IPCEF1: variants seen among roughly 807,000 people sequenced by gnomAD.
IPCEF1 encodes interaction protein for cytohesin exchange factors 1.
IPCEF1 carries 31 observed loss-of-function variants against 50.9 expected under a neutral mutation model. That is an observed-to-expected ratio of 0.61 (90% CI 0.46 to 0.82). The LOEUF (loss-of-function observed/expected upper bound fraction) is 0.82, where lower values mean the gene tolerates loss of function less well. Ranked by LOEUF, IPCEF1 falls within the 40% of genes least tolerant of loss-of-function variation. IPCEF1 has a pLI of 0.00. For missense variants in IPCEF1, 458 were observed against 514.0 expected (o/e 0.89, Z 1.05); for synonymous variants, 181 against 192.0 (o/e 0.94, Z 0.47).
intron 5 of IPCEF1, among the ~76,000 whole-genome samples, chr6:154,233,385 C>A (rs1257651065): frequency 6.6e-6 from 1 of 152,086 alleles, no homozygotes; most frequent in East Asian, 1.9e-4. Context: ...AGTAAACTTA[C>A]CATATTCTTC....
At chr6:154,222,159 T>C (rs1778916098) in intron 6 of IPCEF1, among the ~76,000 whole-genome samples, 1 of 152,184 alleles carries the variant, frequency 6.6e-6, no homozygotes, top group Non-Finnish European at 1.5e-5. Flanking sequence ...AAATATGAAA[T>C]AGATTTTAAT....
intron 10 of IPCEF1, among the ~76,000 whole-genome samples, chr6:154,175,888 A>C (rs2128561300): frequency 6.6e-6 from 1 of 152,344 alleles, no homozygotes; most frequent in African/African-American, 2.4e-5. Context: ...ATTTTAGGCC[A>C]ATATCCCTGA....
At chr6:154,330,491 AT>A (rs974878682) in intron 1 of IPCEF1, among the ~76,000 whole-genome samples, 2 of 151,606 alleles carry the variant, frequency 1.3e-5, no homozygotes, top group East Asian at 3.9e-4. Flanking sequence ...CATCCAGCTA[AT>A]TTTTTTTATG....
chr6:154,267,618 T>C (rs1056610648), intron 2 of IPCEF1, among the ~76,000 whole-genome samples: 6 of 152,214 alleles, frequency 3.9e-5, no homozygotes, highest in African/African-American at 1.2e-4. Flanking sequence ...AGGAGCTTTA[T>C]TGAGTGTTAG....
intron 9 of IPCEF1, among the ~76,000 whole-genome samples, chr6:154,205,406 T>C (rs1918759): frequency 0.75 from 113,346 of 151,996 alleles, 42,923 homozygotes; most frequent in East Asian, 0.9. Context: ...ACCAGCCTGG[T>C]CAATATGGTG....
Position 154,256,268 on chromosome 6 carries a change from C to A in IPCEF1, c.37-8780G>T, listed in dbSNP as rs139756901. On this transcript the variant is annotated intron_variant, in intron 3 of 11. Transcript: ENST00000367220. ...AGGGAGAAAATCATCTCTCTCTGGTCTCTTCTTATAAGGGCACAAATCTCA... is the reference window on the plus strand; with the variant it reads ...AGGGAGAAAATCATCTCTCTCTGGTATCTTCTTATAAGGGCACAAATCTCA... 6.7e-3 allele frequency among the ~76,000 whole-genome samples: 1,021 copies of A among 152,228 alleles called. 8 individuals carry two copies. The highest frequency in any genetic ancestry group is 7.9e-3 in the Non-Finnish European group (538 of 68,014).
At chr6:154,170,204 G>A (rs1799762134) in intron 10 of IPCEF1, among the ~76,000 whole-genome samples, 1 of 152,116 alleles carries the variant, frequency 6.6e-6, no homozygotes, top group Non-Finnish European at 1.5e-5. Flanking sequence ...GAAAGCTTGG[G>A]AAAGAAATAC....
At chr6:154,167,270 G>A (rs1322864640) in intron 11 of IPCEF1, among the ~76,000 whole-genome samples, 6 of 152,204 alleles carry the variant, frequency 3.9e-5, no homozygotes, top group African/African-American at 1.4e-4. Context: ...TTGTTATGAA[G>A]AACCATTTCA....
At position 154,157,305 on chromosome 6, in the gene IPCEF1, C is replaced by A. The variant is rs2236256; in HGVS notation, c.*2523G>T. 79,130 of 152,130 alleles carry A rather than the reference C, an allele frequency of 0.52. 20,822 individuals carry two copies. The highest frequency in any genetic ancestry group is 0.61 in the Middle Eastern group (180 of 296). The allele number at this position is 152,130 out of a possible 1,614,324, so 9.4% of individuals were successfully genotyped here. On this transcript the variant is annotated 3_prime_UTR_variant, in exon 12 of 12. Transcript: ENST00000367220. ...GAAGCAGCCCTACTTTCTAGCACAA[C>A]CTGGTCAAAAGCAAAATAATTTACA...
At chr6:154,235,485 C>T (rs1303948177) in intron 5 of IPCEF1, among the ~76,000 whole-genome samples, 1 of 146,388 alleles carries the variant, frequency 6.8e-6, no homozygotes, top group East Asian at 2.0e-4. Context: ...CAGCCGAGAT[C>T]GCACCATTGC....
intron 10 of IPCEF1, among the ~76,000 whole-genome samples, chr6:154,186,617 T>C (rs554934362): frequency 3.9e-5 from 6 of 152,016 alleles, no homozygotes; most frequent in Non-Finnish European, 5.9e-5. Context: ...AGTGCAGTGG[T>C]GCGATCTTGG....
chr6:154,179,385 A>G (rs963047899), intron 10 of IPCEF1, among the ~76,000 whole-genome samples: 3 of 152,184 alleles, frequency 2.0e-5, no homozygotes, highest in Admixed American at 1.3e-4. Flanking sequence ...ATAGTAGAAA[A>G]CACTACATTA....
At chr6:154,204,323 A>C (rs1777311803) in intron 9 of IPCEF1, among the ~76,000 whole-genome samples, 1 of 152,242 alleles carries the variant, frequency 6.6e-6, no homozygotes, top group South Asian at 2.1e-4. Context: ...GAAGTGAGTC[A>C]GCATAGAAAT....
chr6:154,279,091 A>G (rs1003448851), intron 2 of IPCEF1, among the ~76,000 whole-genome samples: 4 of 151,924 alleles, frequency 2.6e-5, no homozygotes, highest in Non-Finnish European at 5.9e-5. Flanking sequence ...TGCCACCGCA[A>G]AAAAATCATA....
chr6:154,338,694 G>T lies in IPCEF1; in HGVS notation c.-62+17978C>A, dbSNP rs146270225. ...TAGTATTTTCAGAGGCCAAGGTAGA[G>T]AATCACTCTAGAACCCAGGAGTTTG... On this transcript the variant is annotated intron_variant, in intron 1 of 11. Transcript: ENST00000367220. Among the ~76,000 whole-genome samples, 3 of 152,220 alleles carry T rather than the reference G, an allele frequency of 2.0e-5. No individual in the cohort carries two copies. In the East Asian group the frequency reaches 5.8e-4, roughly 29 times the overall value.
intron 1 of IPCEF1, among the ~76,000 whole-genome samples, chr6:154,332,187 C>T (rs1182758448): frequency 6.6e-6 from 1 of 152,012 alleles, no homozygotes; most frequent in Admixed American, 6.6e-5. Context: ...AAGTCACATG[C>T]AGAACAAATG....
intron 2 of IPCEF1, among the ~76,000 whole-genome samples, chr6:154,273,849 G>A (rs184865318): frequency 3.2e-4 from 46 of 144,106 alleles, no homozygotes; most frequent in Admixed American, 2.9e-3. Context: ...CGCCTCCCGG[G>A]TTCACGGCAT....
chr6:154,254,565 T>C (rs960888798), intron 3 of IPCEF1, among the ~76,000 whole-genome samples: 2 of 152,240 alleles, frequency 1.3e-5, no homozygotes, highest in East Asian at 3.8e-4. Flanking sequence ...TGGATTACAA[T>C]TCCAGATGAG....
intron 11 of IPCEF1, among the ~76,000 whole-genome samples, chr6:154,163,469 T>C (rs2128549673): frequency 6.6e-6 from 1 of 152,358 alleles, no homozygotes; most frequent in African/African-American, 2.4e-5. Flanking sequence ...TATCCCCTTT[T>C]CTATTCTTTA....
Sources: gnomAD v4.1 joint callset for allele counts (sites outside exome capture counted in the v4.1 genomes callset) on GRCh38, gnomAD v4.1.1 for gene constraint, MANE v1.5 for transcripts, NCBI Gene and HGNC (gene_info 2026-07-23, HGNC 2026-07-21) for gene names.